LHFPL3: variants seen among roughly 807,000 people sequenced by gnomAD.
LHFPL3 encodes the protein LHFPL tetraspan subfamily member 3, also known as LHFPL tetraspan subfamily member 3 protein.
LHFPL3 carries 5 observed loss-of-function variants against 19.3 expected under a neutral mutation model. That is an observed-to-expected ratio of 0.26 (90% CI 0.14 to 0.54). The LOEUF (loss-of-function observed/expected upper bound fraction) is 0.54. LHFPL3 is among the 20% of genes least tolerant of loss of function. The probability of loss-of-function intolerance (pLI) is 0.94; values close to 1 mark genes in which losing one functional copy is unlikely to be tolerated. For missense variants in LHFPL3, 249 were observed against 307.4 expected, an observed-to-expected ratio of 0.81 and a Z score of 1.42; for synonymous variants, 133 against 126.2, an observed-to-expected ratio of 1.05 and a Z score of -0.36.
At chr7:104,617,705 C>T (rs1791372926) in intron 1 of LHFPL3, among the ~76,000 whole-genome samples, 1 of 152,150 alleles carries the variant, frequency 6.6e-6, no homozygotes, top group Non-Finnish European at 1.5e-5. Context: ...CTTCATATAG[C>T]CCAAAGCTCA....
intron 1 of LHFPL3, among the ~76,000 whole-genome samples, chr7:104,674,780 CA>C (rs1792560264): frequency 6.6e-6 from 1 of 152,166 alleles, no homozygotes; most frequent in East Asian, 1.9e-4. Flanking sequence ...CATCATAATA[CA>C]ATTTTAATGC....
intron 1 of LHFPL3, among the ~76,000 whole-genome samples, chr7:104,401,602 A>G (rs1450214877): frequency 3.3e-5 from 5 of 152,240 alleles, no homozygotes; most frequent in Admixed American, 6.5e-5. Flanking sequence ...TTTAAGGAAC[A>G]AAAAGATAAC....
At chr7:104,575,838 C>G (rs77340114) in intron 1 of LHFPL3, among the ~76,000 whole-genome samples, 2,815 of 152,090 alleles carry the variant, frequency 0.019, 81 homozygotes, top group African/African-American at 0.065. Flanking sequence ...ATTAAGGAGC[C>G]TCCTTTCCTC....
At chr7:104,615,930 G>C (rs1791326702) in intron 1 of LHFPL3, among the ~76,000 whole-genome samples, 1 of 152,098 alleles carries the variant, frequency 6.6e-6, no homozygotes, top group Non-Finnish European at 1.5e-5. Context: ...CAACCTGCAA[G>C]GGATGTGAAG....
chr7:104,714,897 CAT>C (rs990803255), intron 1 of LHFPL3, among the ~76,000 whole-genome samples: 29 of 152,064 alleles, frequency 1.9e-4, no homozygotes, highest in South Asian at 2.1e-4. Context: ...CGCATGCACA[CAT>C]GTGTACATGC....
At chr7:104,557,185 C>T (rs1265192795) in intron 1 of LHFPL3, among the ~76,000 whole-genome samples, 4 of 152,154 alleles carry the variant, frequency 2.6e-5, no homozygotes, top group African/African-American at 9.7e-5. Context: ...TTCACATTTT[C>T]AGGTATCTTT....
intron 1 of LHFPL3, among the ~76,000 whole-genome samples, chr7:104,397,526 A>G (rs914629518): frequency 6.6e-6 from 1 of 152,176 alleles, no homozygotes; most frequent in Non-Finnish European, 1.5e-5. Flanking sequence ...TTGGTCAAGA[A>G]GTCTTCAGCC....
intron 1 of LHFPL3, among the ~76,000 whole-genome samples, chr7:104,657,562 A>C (rs1029534746): frequency 6.6e-6 from 1 of 152,224 alleles, no homozygotes; most frequent in Non-Finnish European, 1.5e-5. Flanking sequence ...AAGGTAGACA[A>C]TGTTACCACT....
chr7:104,636,620 G>A (rs1791732858), intron 1 of LHFPL3, among the ~76,000 whole-genome samples: 1 of 152,100 alleles, frequency 6.6e-6, no homozygotes, highest in African/African-American at 2.4e-5. Context: ...TTACAGGTAA[G>A]AACATGTGGT....
At chr7:104,713,158 A>G (rs1429339834) in intron 1 of LHFPL3, among the ~76,000 whole-genome samples, 1 of 152,214 alleles carries the variant, frequency 6.6e-6, no homozygotes, top group Non-Finnish European at 1.5e-5. Flanking sequence ...AACATGAATT[A>G]ATATCCCCTA....
At chr7:104,555,920 A>G (rs1344039383) in intron 1 of LHFPL3, among the ~76,000 whole-genome samples, 1 of 152,256 alleles carries the variant, frequency 6.6e-6, no homozygotes, top group Non-Finnish European at 1.5e-5. Context: ...CAAAGGGGCT[A>G]CAGGCCCCAT....
chr7:104,845,577 C>T (rs1339614536), intron 2 of LHFPL3: 6 of 904,040 alleles, frequency 6.6e-6, no homozygotes, highest in Non-Finnish European at 9.7e-6. Flanking sequence ...AGCCATAAAT[C>T]TTCTGTCTTT....
At chr7:104,558,604 G>T (rs796643469) in intron 1 of LHFPL3, among the ~76,000 whole-genome samples, 1 of 150,628 alleles carries the variant, frequency 6.6e-6, no homozygotes, top group African/African-American at 2.5e-5. Context: ...AGTAGGTTGC[G>T]AAAATTTTCT....
At chr7:104,770,204 G>T (rs1243468540) in intron 2 of LHFPL3, among the ~76,000 whole-genome samples, 1 of 152,000 alleles carries the variant, frequency 6.6e-6, no homozygotes, top group African/African-American at 2.4e-5. Context: ...AAGGAAAAAG[G>T]TAGATCACTT....
chr7:104,359,166 C>T (rs1458960701), intron 1 of LHFPL3, among the ~76,000 whole-genome samples: 2 of 152,308 alleles, frequency 1.3e-5, no homozygotes, highest in African/African-American at 2.4e-5. Context: ...AGAAACCACA[C>T]GTTGCATATT....
chr7:104,565,498 G>T (rs138414296), intron 1 of LHFPL3, among the ~76,000 whole-genome samples: 61 of 152,328 alleles, frequency 4.0e-4, no homozygotes, highest in Middle Eastern at 3.4e-3. Flanking sequence ...AGGGGAAATT[G>T]TGTTAAGAGA....
intron 1 of LHFPL3, among the ~76,000 whole-genome samples, chr7:104,365,170 A>G (rs528530633): frequency 6.6e-6 from 1 of 152,168 alleles, no homozygotes; most frequent in Non-Finnish European, 1.5e-5. Context: ...GTGGTAGCAC[A>G]TGCATGTAAT....
rs1009067726 is a variant in LHFPL3 at position 104,421,478 on chromosome 7, T to C, written c.445+92254T>C. Among the ~76,000 whole-genome samples the C allele has an allele frequency of 2.0e-5, 3 of 152,006 alleles. No individual in the cohort carries two copies. The East Asian group carries it at 5.8e-4, about 29-fold the overall frequency. ...GATGCGGTAAAGAAACAAAATGTGATGGGAAAAAGTCACTGGAAAGGTTTA... is the reference window on the plus strand; with the variant it reads ...GATGCGGTAAAGAAACAAAATGTGACGGGAAAAAGTCACTGGAAAGGTTTA... On this transcript the variant is annotated intron_variant, in intron 1 of 2. Transcript: ENST00000424859.
intron 1 of LHFPL3, among the ~76,000 whole-genome samples, chr7:104,427,884 C>T (rs577786617): frequency 6.6e-6 from 1 of 152,304 alleles, no homozygotes; most frequent in South Asian, 2.1e-4. Flanking sequence ...TCAGTTTTTG[C>T]TGGTGATGAG....
Sources: allele counts gnomAD v4.1 joint callset (sites outside exome capture counted in the v4.1 genomes callset), GRCh38; gene constraint gnomAD v4.1.1; transcripts MANE v1.5; gene names NCBI Gene and HGNC (gene_info 2026-07-23, HGNC 2026-07-21).